LRRC4C: variants seen among roughly 807,000 people sequenced by gnomAD.
LRRC4C encodes the protein leucine-rich repeat-containing protein 4C.
In LRRC4C, 5 loss-of-function variants were observed where a neutral mutation model predicts 33.6. The ratio of observed to expected loss-of-function variants is 0.15; its 90% CI spans 0.08 to 0.31. The LOEUF (loss-of-function observed/expected upper bound fraction) is 0.31, where lower values mean the gene tolerates loss of function less well. Ranked by LOEUF, LRRC4C falls within the 10% of genes least tolerant of loss-of-function variation. The pLI is 1.00. For synonymous variants in LRRC4C, 329 were observed against 302.0 expected, an observed-to-expected ratio of 1.09 and a Z score of -0.93; for missense variants, 560 against 796.7, an observed-to-expected ratio of 0.70 and a Z score of 3.58.
intron 1 of LRRC4C, among the ~76,000 whole-genome samples, chr11:41,174,402 T>C (rs1213573825): frequency 6.6e-6 from 1 of 152,074 alleles, no homozygotes; most frequent in Admixed American, 6.6e-5. Flanking sequence ...AAATAATGTA[T>C]TATGAAGTCT....
At chr11:41,428,393 C>G (rs1955116558) in intron 1 of LRRC4C, among the ~76,000 whole-genome samples, 1 of 152,062 alleles carries the variant, frequency 6.6e-6, no homozygotes, top group African/African-American at 2.4e-5. Context: ...CTATTTACTG[C>G]ATTTAAGTAT....
intron 3 of LRRC4C, among the ~76,000 whole-genome samples, chr11:40,324,386 A>G (rs975628665): frequency 2.6e-5 from 4 of 152,194 alleles, no homozygotes; most frequent in Non-Finnish European, 5.9e-5. Context: ...TTGAATTCAT[A>G]TGACATCAGA....
At chr11:41,041,148 G>T (rs901501681) in intron 1 of LRRC4C, among the ~76,000 whole-genome samples, 2 of 152,146 alleles carry the variant, frequency 1.3e-5, no homozygotes, top group Non-Finnish European at 1.5e-5. Context: ...AGCAACTCTT[G>T]TTCCAGGTTT....
At chr11:40,404,434 G>C (rs1949882168) in intron 3 of LRRC4C, among the ~76,000 whole-genome samples, 1 of 152,120 alleles carries the variant, frequency 6.6e-6, no homozygotes, top group African/African-American at 2.4e-5. Context: ...CACCCACCCA[G>C]TTGCCAAGCC....
In LRRC4C at chr11:40,867,081, C is replaced by A. The variant is rs146089278; in HGVS notation, c.-407+66554G>T. Reference sequence around the variant, plus strand: ...CTATATGATGCCAGAGCATTCTATCCTTTTCCTTTCAAATCTTAAGTCTTA... The same window carrying A: ...CTATATGATGCCAGAGCATTCTATCATTTTCCTTTCAAATCTTAAGTCTTA... On this transcript the variant is annotated intron_variant, in intron 2 of 6. Transcript: ENST00000528697. Among the ~76,000 whole-genome samples the A allele has an allele frequency of 2.0e-3, 304 of 152,266 alleles. 3 individuals are homozygous for A. Among genetic ancestry groups the A allele is most frequent in the African/African-American group, 6.6e-3 (274 of 41,562 alleles).
rs371781136 is a variant in LRRC4C, at chr11:40,551,473, G to C, written c.-270+96669C>G. ...ATATGCCAGACATTCTATCCCAGGAGTTTTACATGAGTTAATTGATTTAGG... is the reference window on the plus strand; with the variant it reads ...ATATGCCAGACATTCTATCCCAGGACTTTTACATGAGTTAATTGATTTAGG... On this transcript the variant is annotated intron_variant, in intron 3 of 6. Coordinates refer to ENST00000528697, the MANE Select transcript of LRRC4C (RefSeq NM_001258419.2). Among the ~76,000 whole-genome samples the C allele has an allele frequency of 9.9e-5, 15 of 152,134 alleles. 1 individual carries two copies. In the East Asian group the frequency reaches 2.9e-3, roughly 30 times the overall value.
chr11:40,598,005 G>A (rs1372225500), intron 3 of LRRC4C, among the ~76,000 whole-genome samples: 1 of 152,174 alleles, frequency 6.6e-6, no homozygotes, highest in Non-Finnish European at 1.5e-5. Flanking sequence ...TTGCTTGGAT[G>A]CATGGTTCAG....
At chr11:40,595,393 A>G (rs1361801217) in intron 3 of LRRC4C, among the ~76,000 whole-genome samples, 1 of 152,096 alleles carries the variant, frequency 6.6e-6, no homozygotes, top group Non-Finnish European at 1.5e-5. Flanking sequence ...AGTCTACCCT[A>G]AGAACTACAA....
chr11:41,222,614 C>A (rs891464603), intron 1 of LRRC4C, among the ~76,000 whole-genome samples: 5 of 152,042 alleles, frequency 3.3e-5, no homozygotes, highest in Non-Finnish European at 5.9e-5. Flanking sequence ...AGTCACAATT[C>A]TTGTACATCA....
chr11:40,891,002 G>A (rs1231210285), intron 2 of LRRC4C, among the ~76,000 whole-genome samples: 1 of 152,084 alleles, frequency 6.6e-6, no homozygotes, highest in Non-Finnish European at 1.5e-5. Context: ...CAGCACTCTA[G>A]GAGGCCGAAG....
chr11:40,448,934 C>A (rs1402362252), intron 3 of LRRC4C, among the ~76,000 whole-genome samples: 1 of 152,128 alleles, frequency 6.6e-6, no homozygotes, highest in African/African-American at 2.4e-5. Context: ...TTTTAATGAT[C>A]GCCATTCTAA....
intron 1 of LRRC4C, among the ~76,000 whole-genome samples, chr11:40,957,720 T>G (rs1472901081): frequency 6.6e-6 from 1 of 151,720 alleles, no homozygotes; most frequent in Non-Finnish European, 1.5e-5. Context: ...TCTTTAAACC[T>G]AGTTGAGAAG....
intron 4 of LRRC4C, among the ~76,000 whole-genome samples, chr11:40,279,569 G>A (rs1294213427): frequency 6.6e-6 from 1 of 152,094 alleles, no homozygotes; most frequent in Non-Finnish European, 1.5e-5. Context: ...GTATTTCCAT[G>A]TGCCAAGCAC....
chr11:40,122,805 C>T (rs985245057), intron 6 of LRRC4C, among the ~76,000 whole-genome samples: 2 of 146,388 alleles, frequency 1.4e-5, no homozygotes, highest in African/African-American at 5.0e-5. Context: ...AAACATCCTA[C>T]TCCCTTACTC....
At chr11:40,580,058 G>GGTGTGTGTGTGTGTGTGT (rs72110597) in intron 3 of LRRC4C, among the ~76,000 whole-genome samples, 169 of 145,506 alleles carry the variant, frequency 1.2e-3, no homozygotes, top group Middle Eastern at 3.6e-3. Flanking sequence ...GTACTTTTCA[G>GGTGTGTGTGTGTGTGTGT]GTGTGTGTGT....
intron 5 of LRRC4C, among the ~76,000 whole-genome samples, chr11:40,194,863 C>T (rs192174200): frequency 3.3e-5 from 5 of 151,974 alleles, no homozygotes; most frequent in South Asian, 4.1e-4. Context: ...CCGAGGTGGG[C>T]GGATCACGAG....
At chr11:41,187,855 GAAGT>G (rs1180670977) in intron 1 of LRRC4C, among the ~76,000 whole-genome samples, 1 of 152,218 alleles carries the variant, frequency 6.6e-6, no homozygotes, top group African/African-American at 2.4e-5. Context: ...GGGTAGCAAA[GAAGT>G]AAGCCACATA....
intron 3 of LRRC4C, among the ~76,000 whole-genome samples, chr11:40,632,368 A>G (rs1333876239): frequency 1.3e-5 from 2 of 152,220 alleles, no homozygotes; most frequent in African/African-American, 2.4e-5. Context: ...GCGGAACTCA[A>G]TCAAAGCTTC....
chr11:40,437,040 T>C (rs933887196), intron 3 of LRRC4C, among the ~76,000 whole-genome samples: 1 of 152,180 alleles, frequency 6.6e-6, no homozygotes, highest in Non-Finnish European at 1.5e-5. Flanking sequence ...TTAAAAGCAT[T>C]GTTATTCTTT....
Sources: allele counts gnomAD v4.1 joint callset (sites outside exome capture counted in the v4.1 genomes callset), GRCh38; gene constraint gnomAD v4.1.1; transcripts MANE v1.5; gene names NCBI Gene and HGNC (gene_info 2026-07-23, HGNC 2026-07-21).